SEMA6A: variants seen among roughly 807,000 people sequenced by gnomAD.
The protein encoded by SEMA6A is semaphorin 6A.
A neutral mutation model predicts 96.8 loss-of-function variants in SEMA6A; 25 were observed. That is an observed-to-expected ratio of 0.26 (90% CI 0.19 to 0.36). The LOEUF is 0.36. SEMA6A is among the 10% of genes least tolerant of loss of function. The pLI is 1.00. For missense variants in SEMA6A, 1,363 were observed against 1,323.1 expected, an observed-to-expected ratio of 1.03 and a Z score of -0.47; for synonymous variants, 612 against 518.0, an observed-to-expected ratio of 1.18 and a Z score of -2.46.
At chr5:116,554,246 T>G (rs984334891) in intron 1 of SEMA6A, among the ~76,000 whole-genome samples, 2 of 152,144 alleles carry the variant, frequency 1.3e-5, no homozygotes, top group Admixed American at 6.5e-5. Flanking sequence ...GTTCCCAACT[T>G]GCAAAATTCA....
intron 1 of SEMA6A, among the ~76,000 whole-genome samples, chr5:116,567,669 T>C (rs972951691): frequency 2.6e-5 from 4 of 152,150 alleles, no homozygotes; most frequent in Admixed American, 1.3e-4. Context: ...TCCACGTGCA[T>C]TGTCTGTCAA....
chr5:116,484,738 A>G (rs1756965229), intron 10 of SEMA6A, among the ~76,000 whole-genome samples: 1 of 152,254 alleles, frequency 6.6e-6, no homozygotes, highest in Non-Finnish European at 1.5e-5. Flanking sequence ...GGAGGTGACT[A>G]GCTGACATTT....
At chr5:116,537,136 C>T (rs1055762697) in intron 1 of SEMA6A, among the ~76,000 whole-genome samples, 1 of 152,162 alleles carries the variant, frequency 6.6e-6, no homozygotes, top group African/African-American at 2.4e-5. Flanking sequence ...CACACACATG[C>T]ACACATGCAT....
intron 18 of SEMA6A, among the ~76,000 whole-genome samples, chr5:116,464,966 G>A (rs192254564): frequency 1.3e-4 from 20 of 152,226 alleles, no homozygotes; most frequent in Admixed American, 1.1e-3. Context: ...CACATTTTCT[G>A]CTTAGTGAGG....
rs1308854177 is a variant in SEMA6A at position 116,486,829 on chromosome 5, G to A, written c.882C>T (p.Asn294=). Residue 294 remains asparagine, a synonymous_variant, in exon 10 of 19, where the codon AAC becomes AAT. Transcript: ENST00000343348. ...TCACATCTGTAACTGCCTGGAGAAT[G>A]TTGAAATAAAAATGAGAGTCTCCAG... The part of the protein sequence containing the change: ...SVPGDSHFYF[N]ILQAVTDVIR... 1 of 1,613,716 alleles carries A rather than the reference G, an allele frequency of 6.2e-7. No homozygotes were observed. The highest frequency in any genetic ancestry group is 8.5e-7 in the Non-Finnish European group (1 of 1,179,802).
chr5:116,483,284 T>G (rs1021702164), intron 10 of SEMA6A, among the ~76,000 whole-genome samples: 2 of 152,148 alleles, frequency 1.3e-5, no homozygotes, highest in African/African-American at 4.8e-5. Context: ...TAATCAATGA[T>G]GGGAAGGAAT....
chr5:116,505,774 T>C (rs547564145), intron 1 of SEMA6A, among the ~76,000 whole-genome samples: 2 of 152,262 alleles, frequency 1.3e-5, no homozygotes, highest in South Asian at 4.1e-4. Flanking sequence ...TCAGATATAC[T>C]GTTCTACCCA....
intron 1 of SEMA6A, among the ~76,000 whole-genome samples, chr5:116,512,127 G>C (rs1758430946): frequency 6.6e-6 from 1 of 152,132 alleles, no homozygotes. Context: ...CTGTTTCAAG[G>C]ACCGCAGCAT....
At chr5:116,450,112 C>G (rs1025297633) in intron 18 of SEMA6A, among the ~76,000 whole-genome samples, 3 of 152,188 alleles carry the variant, frequency 2.0e-5, no homozygotes, top group African/African-American at 7.2e-5. Context: ...GTATGGGGTT[C>G]TACCGAACAC....
intron 1 of SEMA6A, chr5:116,554,663 T>G (rs1760541970): frequency 6.6e-6 from 1 of 152,232 alleles, no homozygotes; most frequent in Non-Finnish European, 1.5e-5. Flanking sequence ...GATCCTTCCT[T>G]GGCCTACCTT....
chr5:116,451,347 A>G (rs1310407621), intron 18 of SEMA6A, among the ~76,000 whole-genome samples: 1 of 152,134 alleles, frequency 6.6e-6, no homozygotes, highest in South Asian at 2.1e-4. Flanking sequence ...TCCATTTGCT[A>G]TTGGTCTCCC....
intron 17 of SEMA6A, chr5:116,469,000 G>A (rs1019606907): frequency 3.3e-5 from 5 of 151,886 alleles, no homozygotes; most frequent in Admixed American, 3.3e-4. Context: ...TTCCCCCCAG[G>A]AGACTGTAAT....
chr5:116,482,409 A>C, intron 11 of SEMA6A, 35 bp downstream of exon 11: 1 of 1,600,298 alleles, frequency 6.2e-7, no homozygotes, highest in Non-Finnish European at 8.5e-7. Context: ...GCCATTTCTA[A>C]AGTTTAAAAT....
chr5:116,472,666 A>G (rs1373114993), intron 17 of SEMA6A: 1 of 483,396 alleles, frequency 2.1e-6, no homozygotes, highest in Admixed American at 3.9e-5. Context: ...ATTTCATGTT[A>G]TCTGGATTAA....
At chr5:116,549,666 T>C (rs900822420) in intron 1 of SEMA6A, among the ~76,000 whole-genome samples, 16 of 152,170 alleles carry the variant, frequency 1.1e-4, no homozygotes, top group Non-Finnish European at 1.5e-5. Flanking sequence ...ACATATCCAA[T>C]TACTGTTAAC....
In SEMA6A at chr5:116,444,090, G is replaced by T. The variant is rs1754045000; in HGVS notation, c.*2523C>A. ...AGCATGGGAAAGAAGGGGGCAGGGG[G>T]ATACAGACCCATCACCTTCCTAATT... On this transcript the variant is annotated 3_prime_UTR_variant, in exon 19 of 19. Coordinates refer to ENST00000343348, the MANE Select transcript of SEMA6A (RefSeq NM_020796.5). 6.6e-6 allele frequency: 1 copy of T among 152,108 alleles called. No individual in the cohort carries two copies. Among genetic ancestry groups the T allele is most frequent in the South Asian group, 2.1e-4 (1 of 4,814 alleles). The allele number at this position is 152,108 out of a possible 1,614,324, so 9.4% of individuals were successfully genotyped here.
Position 116,491,763 on chromosome 5 carries a change from T to A in SEMA6A, c.512A>T (p.His171Leu), listed in dbSNP as rs1203510885. The change falls in exon 7 of 19, where the codon CAT (histidine) becomes CTT (leucine). Residue 171 changes from histidine (H) to leucine (L), a missense_variant. Transcript: ENST00000343348. The part of the protein sequence containing the change: ...GMARCPYDAK[H>L]ANVALFADGK... ...ACCTGCAAACAGTGCAACGTTGGCA[T>A]GTTTGGCATCATATGGGCATCTGGC... is the stretch of plus-strand genomic sequence containing the variant. 1.2e-6 allele frequency: 2 copies of A among 1,613,778 alleles called. No individual in the cohort carries two copies. Among genetic ancestry groups the A allele is most frequent in the South Asian group, 1.1e-5 (1 of 91,072 alleles).
At chr5:116,487,604 C>T (rs1298458729) in intron 9 of SEMA6A, among the ~76,000 whole-genome samples, 1 of 152,144 alleles carries the variant, frequency 6.6e-6, no homozygotes, top group East Asian at 1.9e-4. Context: ...AGGCTCATGT[C>T]TGTAATCCCA....
At chr5:116,533,693 C>G (rs1200651432) in intron 1 of SEMA6A, among the ~76,000 whole-genome samples, 1 of 152,192 alleles carries the variant, frequency 6.6e-6, no homozygotes, top group Non-Finnish European at 1.5e-5. Context: ...TCTCAGTATC[C>G]TGAGGTAGCT....
Sources: gnomAD v4.1 joint callset for allele counts (sites outside exome capture counted in the v4.1 genomes callset) on GRCh38, gnomAD v4.1.1 for gene constraint, MANE v1.5 for transcripts, NCBI Gene and HGNC (gene_info 2026-07-23, HGNC 2026-07-21) for gene names.